The following ZSCAN4 variants were observed in gnomAD, a reference collection of about 807,000 sequenced individuals.
ZSCAN4 encodes zinc finger and SCAN domain containing 4.
Under a neutral mutation model 18.3 loss-of-function variants are expected in ZSCAN4, and 18 were observed. That is an observed-to-expected ratio of 0.98 (90% CI 0.68 to 1.46). The LOEUF is 1.46. Among genes scored for constraint, ZSCAN4 ranks in the 40% most tolerant of loss-of-function variants. ZSCAN4 has a pLI of 0.00. For synonymous variants in ZSCAN4, 193 were observed against 180.3 expected, an observed-to-expected ratio of 1.07 and a Z score of -0.57; for missense variants, 498 against 511.4, an observed-to-expected ratio of 0.97 and a Z score of 0.25.
At chr19:57,661,808 G>A in the ZSCAN4 span, among the ~76,000 whole-genome samples, 4 of 152,168 alleles carry the variant, frequency 2.6e-5, no homozygotes, top group Admixed American at 6.5e-5. Context: ...CATGCTGGGC[G>A]CGGTGGCTCA....
chr19:57,666,271 T>TG, upstream of ZSCAN4, among the ~76,000 whole-genome samples: 1 of 152,262 alleles, frequency 6.6e-6, no homozygotes, highest in African/African-American at 2.4e-5. Context: ...CGCACCTCCA[T>TG]GAGATCCTGC....
At chr19:57,667,347 T>C (rs1370731849), upstream of ZSCAN4, among the ~76,000 whole-genome samples, 1 of 152,156 alleles carries the variant, frequency 6.6e-6, no homozygotes, top group African/African-American at 2.4e-5. Flanking sequence ...GTCTTTGCCT[T>C]CTTAATGTAG....
the ZSCAN4 span, among the ~76,000 whole-genome samples, chr19:57,660,542 A>G: frequency 2.0e-5 from 3 of 152,242 alleles, no homozygotes; most frequent in African/African-American, 7.2e-5. Flanking sequence ...CCAATTTATA[A>G]TAATGCAAAT....
upstream of ZSCAN4, among the ~76,000 whole-genome samples, chr19:57,667,876 G>GC (rs1303069036): frequency 2.0e-5 from 3 of 148,610 alleles, no homozygotes; most frequent in African/African-American, 5.0e-5. Flanking sequence ...ATTTTTCATT[G>GC]TTTTTTTTTT....
chr19:57,678,036 A>G (rs779134849), exon 4 of ZSCAN4: 2 of 1,590,548 alleles, frequency 1.3e-6, no homozygotes, highest in Non-Finnish European at 1.7e-6. Context: ...ACATGGGGAC[A>G]CCCTCCCAGA....
At chr19:57,666,951 C>T (rs1031579544), upstream of ZSCAN4, among the ~76,000 whole-genome samples, 5 of 152,014 alleles carry the variant, frequency 3.3e-5, no homozygotes, top group African/African-American at 4.8e-5. Flanking sequence ...CATACTGAGG[C>T]GGATTGGCTT....
intron 3 of ZSCAN4, 57 bp downstream of exon 3, chr19:57,676,598 C>A: frequency 6.5e-7 from 1 of 1,533,608 alleles, no homozygotes; most frequent in South Asian, 1.3e-5. Flanking sequence ...AGGAATAAAT[C>A]ACAGTCAGTT....
the ZSCAN4 span, among the ~76,000 whole-genome samples, chr19:57,659,279 G>A: frequency 6.6e-6 from 1 of 151,998 alleles, no homozygotes; most frequent in Non-Finnish European, 1.5e-5. Flanking sequence ...ACTGCTTACT[G>A]TCTGTTTCTA....
In ZSCAN4 at chr19:57,672,756, C is replaced by T. The variant is rs535929431; in HGVS notation, c.-106+2189C>T. ...TAGCTGGGATTACCGGTGCATGCCA[C>T]CACACCCAACTCATTTTTGAATTTT... On this transcript the variant is annotated intron_variant, in intron 2 of 4. Transcript: ENST00000318203. 9.2e-5 allele frequency among the ~76,000 whole-genome samples: 14 copies of T among 152,198 alleles called. No homozygotes were observed. The South Asian group carries it at 2.7e-3, about 29-fold the overall frequency.
chr19:57,678,117 A>G (rs1051558807), intron 4 of ZSCAN4, 38 bp downstream of exon 4: 9 of 1,594,924 alleles, frequency 5.6e-6, no homozygotes, highest in African/African-American at 2.7e-5. Flanking sequence ...GGAGTGTTCT[A>G]TGTGGACCCC....
the ZSCAN4 span, among the ~76,000 whole-genome samples, chr19:57,663,051 G>A: frequency 8.3e-3 from 1,167 of 139,944 alleles, 5 homozygotes; most frequent in Non-Finnish European, 0.01. Flanking sequence ...AACTACGGAC[G>A]TACCACCACT....
the ZSCAN4 span, among the ~76,000 whole-genome samples, chr19:57,652,039 A>G: frequency 0.041 from 6,263 of 152,110 alleles, 441 homozygotes; most frequent in African/African-American, 0.14. Flanking sequence ...AGGGACTGTG[A>G]AAAGCTTCAG....
chr19:57,655,339 C>A, the ZSCAN4 span, among the ~76,000 whole-genome samples: 1 of 152,148 alleles, frequency 6.6e-6, no homozygotes, highest in Non-Finnish European at 1.5e-5. Flanking sequence ...CTTTCAATGT[C>A]GCCAGCACTG....
chr19:57,668,179 C>G (rs896562816), upstream of ZSCAN4, among the ~76,000 whole-genome samples: 4 of 152,174 alleles, frequency 2.6e-5, no homozygotes, highest in African/African-American at 9.6e-5. Context: ...GCTGGGATTA[C>G]AGGCATGAGC....
intron 3 of ZSCAN4, among the ~76,000 whole-genome samples, chr19:57,677,546 T>C (rs1600010461): frequency 6.6e-6 from 1 of 152,324 alleles, no homozygotes; most frequent in African/African-American, 2.4e-5. Flanking sequence ...ATACATGTGT[T>C]GGATCCTCTG....
the ZSCAN4 span, among the ~76,000 whole-genome samples, chr19:57,659,956 T>C: frequency 6.6e-6 from 1 of 152,234 alleles, no homozygotes; most frequent in African/African-American, 2.4e-5. Context: ...CAAATGTTCT[T>C]CGCAAATAAC....
exon 5 of ZSCAN4, chr19:57,678,694 G>C: frequency 1.2e-6 from 2 of 1,614,108 alleles, no homozygotes; most frequent in Non-Finnish European, 1.7e-6. Flanking sequence ...ATTCACACAG[G>C]AAAGAAGCCT....
the ZSCAN4 span, among the ~76,000 whole-genome samples, chr19:57,656,237 C>G: frequency 1.1e-4 from 16 of 152,152 alleles, no homozygotes; most frequent in African/African-American, 3.9e-4. Context: ...TTATGGCAGA[C>G]TCAGCAGCCT....
chr19:57,666,498 T>C (rs1044732259), upstream of ZSCAN4, among the ~76,000 whole-genome samples: 2 of 152,084 alleles, frequency 1.3e-5, no homozygotes, highest in Non-Finnish European at 2.9e-5. Context: ...TTGTTCCTTT[T>C]TTGAAGTTGT....
Sources: allele counts gnomAD v4.1 joint callset (sites outside exome capture counted in the v4.1 genomes callset), GRCh38; gene constraint gnomAD v4.1.1; transcripts MANE v1.5; gene names NCBI Gene and HGNC (gene_info 2026-07-23, HGNC 2026-07-21).